TRIP12: variants seen among roughly 807,000 people sequenced by gnomAD.
TRIP12 encodes the protein thyroid hormone receptor interactor 12.
Under a neutral mutation model 244.2 loss-of-function variants are expected in TRIP12, and 25 were observed. The observed-to-expected ratio is 0.10, with a 90% CI of 0.07 to 0.14. The LOEUF (loss-of-function observed/expected upper bound fraction) is 0.14. TRIP12 is among the 10% of genes least tolerant of loss of function. The pLI is 1.00. For missense variants in TRIP12, 1,677 were observed against 2,486.4 expected (o/e 0.67, Z 6.92); for synonymous variants, 905 against 873.1 (o/e 1.04, Z -0.64).
chr2:229,802,163 T>A, intron 21 of TRIP12, 89 bp downstream of exon 21: 1 of 962,566 alleles, frequency 1.0e-6, no homozygotes, highest in Middle Eastern at 3.5e-4. Context: ...TATGCTAATA[T>A]GTTACCATTT....
chr2:229,838,632 T>C (rs1255290766), intron 5 of TRIP12, among the ~76,000 whole-genome samples: 1 of 152,176 alleles, frequency 6.6e-6, no homozygotes, highest in Non-Finnish European at 1.5e-5. Flanking sequence ...TTAAAATTAA[T>C]TTTCAGACAC....
At chr2:229,833,496 C>T (rs1444421002) in intron 6 of TRIP12, among the ~76,000 whole-genome samples, 1 of 152,098 alleles carries the variant, frequency 6.6e-6, no homozygotes, top group Non-Finnish European at 1.5e-5. Context: ...ACCATGTTGC[C>T]CAGGCTGATC....
chr2:229,916,887 A>C (rs1310507099), intron 1 of TRIP12, among the ~76,000 whole-genome samples: 1 of 151,208 alleles, frequency 6.6e-6, no homozygotes. Context: ...AAATCAAGGG[A>C]CAGGTCTAGC....
intron 25 of TRIP12, 105 bp downstream of exon 25, chr2:229,796,486 C>G: frequency 9.8e-7 from 1 of 1,017,332 alleles, no homozygotes; most frequent in South Asian, 2.5e-5. Flanking sequence ...AGTTTTCCCT[C>G]AATGTCTTGA....
At chr2:229,823,539 G>T (rs1575534209) in intron 8 of TRIP12, among the ~76,000 whole-genome samples, 1 of 151,962 alleles carries the variant, frequency 6.6e-6, no homozygotes, top group African/African-American at 2.4e-5. Flanking sequence ...AGCCAGGTGT[G>T]GTGGCAGGCA....
chr2:229,887,841 C>G (rs2066387037), intron 1 of TRIP12, among the ~76,000 whole-genome samples: 1 of 152,142 alleles, frequency 6.6e-6, no homozygotes, highest in Non-Finnish European at 1.5e-5. Context: ...ATTATATTTA[C>G]TATTAATCAG....
At chr2:229,828,843 T>C (rs2052496554) in intron 8 of TRIP12, among the ~76,000 whole-genome samples, 2 of 152,116 alleles carry the variant, frequency 1.3e-5, no homozygotes, top group Non-Finnish European at 2.9e-5. Flanking sequence ...TTATAAAAAA[T>C]TCAGCTAGCA....
At chr2:229,829,388 C>T in intron 7 of TRIP12, 100 bp from the exon 8 acceptor site, 3 of 892,358 alleles carry the variant, frequency 3.4e-6, no homozygotes, top group Non-Finnish European at 5.0e-6. Context: ...TTAACTGATT[C>T]AGTCAATGTT....
intron 2 of TRIP12, among the ~76,000 whole-genome samples, chr2:229,863,811 C>G (rs2060874247): frequency 6.6e-6 from 1 of 152,172 alleles, no homozygotes; most frequent in Admixed American, 6.6e-5. Context: ...ATTTTACCAC[C>G]TCTCTAATTT....
At chr2:229,866,420 T>C (rs987514970) in intron 2 of TRIP12, among the ~76,000 whole-genome samples, 4 of 152,236 alleles carry the variant, frequency 2.6e-5, no homozygotes, top group African/African-American at 9.6e-5. Context: ...TATTGAGATG[T>C]TATTTTTGTT....
chr2:229,814,143 C>A (rs1213603989), intron 12 of TRIP12, 90 bp downstream of exon 12: 22 of 1,529,056 alleles, frequency 1.4e-5, no homozygotes, highest in Non-Finnish European at 1.9e-5. Flanking sequence ...TTGTATCTTA[C>A]AAAAACTGCA....
At chr2:229,838,953 G>A (rs2154307178) in intron 5 of TRIP12, among the ~76,000 whole-genome samples, 1 of 152,298 alleles carries the variant, frequency 6.6e-6, no homozygotes, top group South Asian at 2.1e-4. Context: ...ACCAAAAGAA[G>A]TGGAAAGACC....
intron 2 of TRIP12, among the ~76,000 whole-genome samples, chr2:229,870,064 T>G (rs1294303316): frequency 6.6e-6 from 1 of 152,222 alleles, no homozygotes; most frequent in Admixed American, 6.5e-5. Context: ...TCGATTCCCC[T>G]AGCTTTCACC....
chr2:229,829,825 T>C (rs993951247), intron 7 of TRIP12, among the ~76,000 whole-genome samples: 21 of 152,166 alleles, frequency 1.4e-4, no homozygotes, highest in Non-Finnish European at 7.3e-5. Context: ...GGCAGGCACC[T>C]GTAATTCTAG....
chr2:229,835,006 C>T (rs1160953302), intron 6 of TRIP12, among the ~76,000 whole-genome samples: 2 of 152,192 alleles, frequency 1.3e-5, no homozygotes, highest in African/African-American at 4.8e-5. Flanking sequence ...CAAACCTATA[C>T]ACCATACTAA....
intron 8 of TRIP12, among the ~76,000 whole-genome samples, chr2:229,821,897 T>C (rs2050145284): frequency 6.6e-6 from 1 of 152,186 alleles, no homozygotes; most frequent in Non-Finnish European, 1.5e-5. Flanking sequence ...CCCAGCACTT[T>C]GGGAGGCCAA....
intron 36 of TRIP12, among the ~76,000 whole-genome samples, chr2:229,777,863 C>G (rs897467819): frequency 6.6e-6 from 1 of 152,152 alleles, no homozygotes; most frequent in Non-Finnish European, 1.5e-5. Context: ...TGATAAAGTG[C>G]CTCCGAAAAC....
rs149770273 is a variant in TRIP12 at position 229,795,265 on chromosome 2, A to C, written c.3882T>G (p.Val1294=). The change falls in exon 26 of 42, where the codon GTT becomes GTG. Residue 1294 remains valine, a synonymous_variant. Coordinates refer to ENST00000675903, the MANE Select transcript of TRIP12 (RefSeq NM_001348323.3). Reference sequence around the variant, plus strand: ...GGCTGAGGCAGTTGTTCATCTTGTGAACTAATGCCAACAAAGGTGCATTAC... The same window carrying C: ...GGCTGAGGCAGTTGTTCATCTTGTGCACTAATGCCAACAAAGGTGCATTAC... ...PVGNAPLLAL[V]HKMNNCLSQM... is the part of the protein sequence containing the mutation. 3 of 1,614,090 alleles carry C rather than the reference A, an allele frequency of 1.9e-6. No individual in the cohort carries two copies. The highest frequency in any genetic ancestry group is 1.7e-5 in the Admixed American group (1 of 60,002).
chr2:229,896,127 T>C (rs2068749532), intron 1 of TRIP12, among the ~76,000 whole-genome samples: 1 of 152,130 alleles, frequency 6.6e-6, no homozygotes, highest in Non-Finnish European at 1.5e-5. Flanking sequence ...GTTGTCACCT[T>C]TACAGCTAAA....
Sources: gnomAD v4.1 joint callset for allele counts (sites outside exome capture counted in the v4.1 genomes callset) on GRCh38, gnomAD v4.1.1 for gene constraint, MANE v1.5 for transcripts, NCBI Gene and HGNC (gene_info 2026-07-23, HGNC 2026-07-21) for gene names.